ZNF33B: variants seen among roughly 807,000 people sequenced by gnomAD.
The protein encoded by ZNF33B is zinc finger protein 11b (KOX 2).
A neutral mutation model predicts 45.8 loss-of-function variants in ZNF33B; 29 were observed. The observed-to-expected ratio is 0.63, with a 90% CI of 0.47 to 0.86. ZNF33B has a LOEUF of 0.86. ZNF33B is among the 40% of genes least tolerant of loss of function. The pLI is 0.00. For missense variants in ZNF33B, 831 were observed against 909.9 expected (o/e 0.91, Z 1.12); for synonymous variants, 305 against 307.8 (o/e 0.99, Z 0.10).
intron 4 of ZNF33B, among the ~76,000 whole-genome samples, chr10:42,612,400 C>G (rs1004362819): frequency 6.6e-6 from 1 of 151,980 alleles, no homozygotes; most frequent in African/African-American, 2.4e-5. Context: ...CCACGCCCAG[C>G]TTATTTGGTA....
chr10:42,617,313 A>G (rs1838369274), intron 4 of ZNF33B, among the ~76,000 whole-genome samples: 2 of 151,618 alleles, frequency 1.3e-5, no homozygotes, highest in South Asian at 2.1e-4. Context: ...CATGTTGCCC[A>G]GGTTGGTCTC....
intron 1 of ZNF33B, among the ~76,000 whole-genome samples, chr10:42,637,950 C>A (rs985665448): frequency 6.6e-6 from 1 of 152,176 alleles, no homozygotes; most frequent in Non-Finnish European, 1.5e-5. Flanking sequence ...CCGCGCTAGG[C>A]CAAAATTATG....
chr10:42,621,285 T>C (rs1252023565), intron 4 of ZNF33B, among the ~76,000 whole-genome samples: 4 of 151,972 alleles, frequency 2.6e-5, no homozygotes, highest in East Asian at 1.9e-4. Context: ...TGAGCCATAA[T>C]TGTGCCACTG....
At chr10:42,604,961 A>C (rs150656011) in intron 4 of ZNF33B, among the ~76,000 whole-genome samples, 2 of 151,950 alleles carry the variant, frequency 1.3e-5, no homozygotes, top group Non-Finnish European at 2.9e-5. Context: ...TGTAGCTGGC[A>C]AAATAATCAG....
intron 4 of ZNF33B, among the ~76,000 whole-genome samples, chr10:42,603,271 A>C (rs1050083888): frequency 6.6e-6 from 1 of 152,232 alleles, no homozygotes; most frequent in African/African-American, 2.4e-5. Flanking sequence ...AGAGAGTTCC[A>C]AAACTCTCCT....
At chr10:42,600,311 T>A (rs1407775675) in intron 4 of ZNF33B, among the ~76,000 whole-genome samples, 18 of 152,196 alleles carry the variant, frequency 1.2e-4, no homozygotes. Context: ...TGATTATAAC[T>A]GTGGATCTAT....
chr10:42,576,058 T>G (rs1836745278), intron 1 of ZNF33B, among the ~76,000 whole-genome samples: 2 of 152,114 alleles, frequency 1.3e-5, no homozygotes. Flanking sequence ...GCCCAGCTAA[T>G]TTTTGTATTT....
chr10:42,586,287 C>T (rs928161787), downstream of ZNF33B, among the ~76,000 whole-genome samples: 12 of 150,924 alleles, frequency 8.0e-5, no homozygotes, highest in African/African-American at 2.9e-4. Context: ...CCGAGTAGCT[C>T]GGGCTACAGG....
At chr10:42,596,073 C>T (rs879148756) in intron 4 of ZNF33B, among the ~76,000 whole-genome samples, 2 of 151,598 alleles carry the variant, frequency 1.3e-5, no homozygotes, top group Admixed American at 1.3e-4. Context: ...AGCTGGTCTA[C>T]AATTAAATAA....
chr10:42,608,800 T>C (rs898116113), intron 4 of ZNF33B, among the ~76,000 whole-genome samples: 6 of 151,362 alleles, frequency 4.0e-5, no homozygotes, highest in African/African-American at 1.2e-4. Flanking sequence ...GAGTAAAAAT[T>C]AGTGAACTAG....
At chr10:42,638,111 G>A (rs916468503) in intron 1 of ZNF33B, among the ~76,000 whole-genome samples, 4 of 152,232 alleles carry the variant, frequency 2.6e-5, no homozygotes, top group Admixed American at 2.6e-4. Flanking sequence ...TGTCGGGCGG[G>A]CGACTGCACC....
At chr10:42,584,975 G>A (rs1332192499), downstream of ZNF33B, among the ~76,000 whole-genome samples, 2 of 152,190 alleles carry the variant, frequency 1.3e-5, no homozygotes, top group East Asian at 3.9e-4. Flanking sequence ...TAGGGCTTCG[G>A]GTTTAGGAGG....
rs145114116 is a variant in ZNF33B at position 42,579,314 on chromosome 10, G to C, written c.74-4636C>G. On this transcript the variant is annotated intron_variant, in intron 1 of 1. Transcript: ENST00000462075. ...AACGATTGATTCTGTTATTCATGTA[G>C]TGAGCATAGAGCGCAACAGGTAGTT... Among the ~76,000 whole-genome samples the C allele has an allele frequency of 2.4e-3, 368 of 152,288 alleles. 3 individuals are homozygous for C. Among genetic ancestry groups the C allele is most frequent in the Middle Eastern group, 0.024 (7 of 294 alleles).
At chr10:42,608,134 G>A (rs569214633) in intron 4 of ZNF33B, among the ~76,000 whole-genome samples, 3 of 152,106 alleles carry the variant, frequency 2.0e-5, no homozygotes, top group East Asian at 3.9e-4. Context: ...ACAATAAAAG[G>A]GTCAATCGAT....
At chr10:42,607,486 T>C (rs1325019213) in intron 4 of ZNF33B, among the ~76,000 whole-genome samples, 1 of 152,128 alleles carries the variant, frequency 6.6e-6, no homozygotes, top group African/African-American at 2.4e-5. Flanking sequence ...CTCTATGTGA[T>C]ATGTCTGGGT....
intron 2 of ZNF33B, 114 bp from the exon 3 acceptor site, chr10:42,632,553 A>G: frequency 2.2e-6 from 3 of 1,374,186 alleles, no homozygotes; most frequent in Non-Finnish European, 2.9e-6. Context: ...AAAAGAAATC[A>G]TAACAGAAAT....
At chr10:42,580,454 T>C in intron 1 of ZNF33B, among the ~76,000 whole-genome samples, 1 of 150,778 alleles carries the variant, frequency 6.6e-6, no homozygotes, top group Middle Eastern at 3.2e-3. Flanking sequence ...GCCAGGCTGG[T>C]CTTGAACTCC....
At chr10:42,587,071 G>A (rs1048854621), downstream of ZNF33B, among the ~76,000 whole-genome samples, 2 of 152,144 alleles carry the variant, frequency 1.3e-5, no homozygotes, top group African/African-American at 4.8e-5. Context: ...GGCCTAGTGT[G>A]TTCTCTCCAG....
chr10:42,609,395 G>A (rs1253410797), intron 4 of ZNF33B, among the ~76,000 whole-genome samples: 1 of 152,108 alleles, frequency 6.6e-6, no homozygotes, highest in Non-Finnish European at 1.5e-5. Flanking sequence ...TCCAGCCTGG[G>A]CAATATAGTG....
Sources: gnomAD v4.1 joint callset for allele counts (sites outside exome capture counted in the v4.1 genomes callset) on GRCh38, gnomAD v4.1.1 for gene constraint, MANE v1.5 for transcripts, NCBI Gene and HGNC (gene_info 2026-07-23, HGNC 2026-07-21) for gene names.